Variants in OXR1 observed in about 807,000 individuals in gnomAD.
OXR1 encodes oxidation resistance 1, also known as oxidation resistance protein 1.
In OXR1, 41 loss-of-function variants were observed where a neutral mutation model predicts 104.6. That is an observed-to-expected ratio of 0.39 (90% confidence interval 0.31 to 0.51). OXR1 has a LOEUF of 0.51. Ranked by LOEUF, OXR1 falls within the 20% of genes least tolerant of loss-of-function variation. The pLI is 0.77. For synonymous variants in OXR1, 348 were observed against 348.4 expected, an observed-to-expected ratio of 1.00 and a Z score of 0.01; for missense variants, 955 against 1,031.9, an observed-to-expected ratio of 0.93 and a Z score of 1.02.
At position 106,646,003 on chromosome 8, in the gene OXR1, T is replaced by C. The variant is rs138085324; in HGVS notation, c.221-33207T>C. On this transcript the variant is annotated intron_variant, in intron 3 of 16. Coordinates refer to ENST00000517566, the MANE Select transcript of OXR1 (RefSeq NM_001198533.2). The stretch of plus-strand genomic sequence containing the variant: ...AGAAGGAACAACAACAACAAAAAAC[T>C]ACCTAACTACTGGTTACAGGTTAAA... Among the ~76,000 whole-genome samples, 3 of 152,272 alleles carry C rather than the reference T, an allele frequency of 2.0e-5. No individual in the cohort carries two copies. In the East Asian group the frequency reaches 5.8e-4, roughly 29 times the overall value.
intron 2 of OXR1, among the ~76,000 whole-genome samples, chr8:106,501,349 G>A (rs1417115838): frequency 6.6e-6 from 1 of 152,172 alleles, no homozygotes; most frequent in Non-Finnish European, 1.5e-5. Flanking sequence ...AGAGAGGGAG[G>A]AGGAGCATAG....
At chr8:106,490,864 G>A (rs566637431) in intron 2 of OXR1, among the ~76,000 whole-genome samples, 1 of 152,232 alleles carries the variant, frequency 6.6e-6, no homozygotes, top group Admixed American at 6.5e-5. Flanking sequence ...GTGTGGAGGG[G>A]GGAGCTGTAG....
chr8:106,420,419 C>A (rs938137593), intron 2 of OXR1, among the ~76,000 whole-genome samples: 5 of 151,318 alleles, frequency 3.3e-5, no homozygotes, highest in African/African-American at 7.3e-5. Flanking sequence ...AATTTCAGTT[C>A]CAATTTTACA....
intron 2 of OXR1, among the ~76,000 whole-genome samples, chr8:106,392,392 A>G (rs905573300): frequency 1.3e-5 from 2 of 152,274 alleles, no homozygotes; most frequent in Non-Finnish European, 2.9e-5. Context: ...TAAAGATGTC[A>G]AGTAGGCAGT....
chr8:106,461,548 G>C (rs1022642796), intron 2 of OXR1, among the ~76,000 whole-genome samples: 1 of 152,158 alleles, frequency 6.6e-6, no homozygotes, highest in African/African-American at 2.4e-5. Context: ...CTGGGCAATA[G>C]AGTGAGACTG....
intron 3 of OXR1, among the ~76,000 whole-genome samples, chr8:106,676,130 A>G (rs1380379846): frequency 1.3e-5 from 2 of 152,096 alleles, no homozygotes; most frequent in East Asian, 3.9e-4. Flanking sequence ...CTAGAATTGC[A>G]ACCTCTGCTT....
chr8:106,694,401 T>TTA (rs1225815199), intron 7 of OXR1, among the ~76,000 whole-genome samples: 7 of 137,796 alleles, frequency 5.1e-5, no homozygotes, highest in Non-Finnish European at 7.7e-5. Context: ...CATTATATAT[T>TTA]TATATATATA....
chr8:106,429,143 C>T (rs973576635), intron 2 of OXR1, among the ~76,000 whole-genome samples: 4 of 152,114 alleles, frequency 2.6e-5, no homozygotes, highest in Admixed American at 2.6e-4. Flanking sequence ...CTTCCCCTCT[C>T]TATGTGATCT....
intron 2 of OXR1, among the ~76,000 whole-genome samples, chr8:106,408,292 A>T (rs1818321986): frequency 6.6e-6 from 1 of 152,162 alleles, no homozygotes; most frequent in African/African-American, 2.4e-5. Context: ...ACACACATTA[A>T]TTCAAAGGTG....
intron 3 of OXR1, among the ~76,000 whole-genome samples, chr8:106,570,917 C>A (rs1156882095): frequency 6.6e-6 from 1 of 152,022 alleles, no homozygotes. Flanking sequence ...CACCCTAGAG[C>A]ACTTGCCCAT....
At chr8:106,678,907 G>A (rs1255420342) in intron 3 of OXR1, among the ~76,000 whole-genome samples, 1 of 151,922 alleles carries the variant, frequency 6.6e-6, no homozygotes, top group African/African-American at 2.4e-5. Flanking sequence ...ATTATAATCA[G>A]GTTAAATCTG....
chr8:106,416,624 A>C (rs1170798430), intron 2 of OXR1, among the ~76,000 whole-genome samples: 1 of 152,096 alleles, frequency 6.6e-6, no homozygotes, highest in Non-Finnish European at 1.5e-5. Context: ...ACCATAGTGC[A>C]CAGCAAATGT....
At chr8:106,303,818 A>G (rs949548520) in intron 1 of OXR1, among the ~76,000 whole-genome samples, 20 of 152,174 alleles carry the variant, frequency 1.3e-4, no homozygotes, top group African/African-American at 4.8e-4. Context: ...TCCTTCCAAA[A>G]TTGTGATATC....
chr8:106,516,391 A>AG (rs1428887412), intron 2 of OXR1, among the ~76,000 whole-genome samples: 1 of 152,144 alleles, frequency 6.6e-6, no homozygotes, highest in Non-Finnish European at 1.5e-5. Context: ...CATAAGAATA[A>AG]GGGCTCTAGG....
chr8:106,491,938 T>C (rs35325577), intron 2 of OXR1, among the ~76,000 whole-genome samples: 65,267 of 152,012 alleles, frequency 0.43, 16,960 homozygotes, highest in Non-Finnish European at 0.57. Context: ...ACAAAAGTGA[T>C]ATAAAATGCT....
At chr8:106,679,758 CTT>C (rs201152528) in intron 4 of OXR1, among the ~76,000 whole-genome samples, 2 of 144,332 alleles carry the variant, frequency 1.4e-5, no homozygotes, top group Admixed American at 7.0e-5. Context: ...AAACATTGAG[CTT>C]TTTTTTTTTT....
At chr8:106,409,370 C>T (rs1037575498) in intron 2 of OXR1, among the ~76,000 whole-genome samples, 2 of 152,056 alleles carry the variant, frequency 1.3e-5, no homozygotes, top group African/African-American at 4.8e-5. Flanking sequence ...GAGGCTGAGA[C>T]AGCAGTATCA....
intron 3 of OXR1, among the ~76,000 whole-genome samples, chr8:106,585,039 A>T (rs1818526214): frequency 6.6e-6 from 1 of 152,164 alleles, no homozygotes; most frequent in Non-Finnish European, 1.5e-5. Flanking sequence ...TTTAAATGCC[A>T]TGTCAATTAG....
At chr8:106,709,382 C>T (rs958638947) in intron 9 of OXR1, among the ~76,000 whole-genome samples, 5 of 151,994 alleles carry the variant, frequency 3.3e-5, no homozygotes, top group Admixed American at 6.6e-5. Context: ...TTGTTATTAA[C>T]GATCTGTATT....
Sources: allele counts gnomAD v4.1 joint callset (sites outside exome capture counted in the v4.1 genomes callset), GRCh38; gene constraint gnomAD v4.1.1; transcripts MANE v1.5; gene names NCBI Gene and HGNC (gene_info 2026-07-23, HGNC 2026-07-21).